The following VWA3B variants were observed in gnomAD, a reference collection of about 807,000 sequenced individuals.
VWA3B encodes von Willebrand factor A domain-containing protein 3B.
VWA3B carries 138 observed loss-of-function variants against 158.3 expected under a neutral mutation model. The ratio of observed to expected loss-of-function variants is 0.87; its 90% CI spans 0.76 to 1.00. The LOEUF is 1.00. Ranked by LOEUF, VWA3B falls within the 50% of genes least tolerant of loss-of-function variation. VWA3B has a pLI of 0.00. For missense variants in VWA3B, 1,555 were observed against 1,565.1 expected (o/e 0.99, Z 0.11); for synonymous variants, 596 against 587.3 (o/e 1.01, Z -0.21).
chr2:98,131,032 A>G (rs985019704), intron 6 of VWA3B, among the ~76,000 whole-genome samples: 36 of 152,094 alleles, frequency 2.4e-4, no homozygotes, highest in African/African-American at 8.2e-4. Flanking sequence ...TACTCCTTCT[A>G]TCTCACTGTA....
intron 21 of VWA3B, among the ~76,000 whole-genome samples, chr2:98,256,824 C>A (rs569278853): frequency 6.6e-6 from 1 of 152,190 alleles, no homozygotes; most frequent in East Asian, 1.9e-4. Flanking sequence ...TTTATTGACC[C>A]ATAATAATTG....
intron 7 of VWA3B, among the ~76,000 whole-genome samples, chr2:98,140,254 T>C (rs535447814): frequency 6.0e-4 from 92 of 152,372 alleles, no homozygotes; most frequent in Admixed American, 7.2e-4. Context: ...CACAACCGCA[T>C]GCCTTAGAGA....
chr2:98,270,830 A>C lies in VWA3B; in HGVS notation c.2992A>C (p.Met998Leu), dbSNP rs1688155470. Residue 998 changes from methionine to leucine, a missense_variant, in exon 22 of 28, where the codon ATG (methionine) becomes CTG (leucine). Physicochemically the swap from Met to Leu is conservative, Grantham distance 15 (BLOSUM62 2). Transcript: ENST00000477737. ...TGGGAAAATGTACATCCAGCAGGCC[A>C]TGGAACTCCAGGAGGCTGCCAAGAA... Reference protein sequence around the residue: ...LAGKMYIQQAMELQEAAKKNY... With the variant: ...LAGKMYIQQALELQEAAKKNY... 6.2e-7 allele frequency: 1 copy of C among 1,614,140 alleles called. No homozygotes were observed. The highest frequency in any genetic ancestry group is 8.5e-7 in the Non-Finnish European group (1 of 1,179,996).
chr2:98,110,100 T>C (rs1674025766), intron 2 of VWA3B, among the ~76,000 whole-genome samples: 1 of 151,866 alleles, frequency 6.6e-6, no homozygotes, highest in Non-Finnish European at 1.5e-5. Context: ...TTCTTCTTTT[T>C]CTTCCCCCTA....
chr2:98,206,494 A>G (rs1683035623), intron 12 of VWA3B: 3 of 465,060 alleles, frequency 6.5e-6, no homozygotes, highest in Non-Finnish European at 1.3e-5. Flanking sequence ...TGAATGGTAC[A>G]GAAGGCTTGT....
At position 98,298,007 on chromosome 2, in the gene VWA3B, C is replaced by T. The variant is rs752586602; in HGVS notation, c.3258C>T (p.Gly1086=). The stretch of plus-strand genomic sequence containing the variant: ...CCTCCTTCATCACGCCTGTGGGGGG[C>T]GCCATGCCCTGCCCGCTGCTCCAGG... ...VSTSFITPVG[G]AMPCPLLQVG... Residue 1086 remains glycine, a synonymous_variant, in exon 24 of 28, where the codon GGC becomes GGT. Transcript: ENST00000477737. 3.8e-6 allele frequency: 6 copies of T among 1,574,692 alleles called. No homozygotes were observed. The highest frequency in any genetic ancestry group is 1.8e-5 in the Admixed American group (1 of 54,898).
intron 12 of VWA3B, among the ~76,000 whole-genome samples, 178 bp downstream of exon 12, chr2:98,194,670 T>C (rs181058615): frequency 2.6e-5 from 4 of 152,338 alleles, no homozygotes; most frequent in Admixed American, 2.6e-4. Context: ...ATTTTGTCAA[T>C]ATCATAAGGT....
chr2:98,301,441 A>G (rs937751235), intron 25 of VWA3B, among the ~76,000 whole-genome samples: 6 of 152,188 alleles, frequency 3.9e-5, no homozygotes, highest in African/African-American at 1.2e-4. Context: ...TTACATATCT[A>G]TATCTGTATT....
At chr2:98,165,763 T>C (rs990083501) in intron 8 of VWA3B, among the ~76,000 whole-genome samples, 3 of 152,064 alleles carry the variant, frequency 2.0e-5, no homozygotes, top group African/African-American at 7.2e-5. Context: ...GCTCCCTGGG[T>C]GTTCCTGAGA....
chr2:98,293,554 A>G (rs1689620447), intron 23 of VWA3B, among the ~76,000 whole-genome samples: 1 of 152,202 alleles, frequency 6.6e-6, no homozygotes, highest in Non-Finnish European at 1.5e-5. Flanking sequence ...GAACCCCACT[A>G]TACTCTTTAC....
In VWA3B at chr2:98,283,085, G is replaced by A. The variant is rs12473947; in HGVS notation, c.3046-7426G>A. Reference sequence around the variant, plus strand: ...TGAAAATGTAGAAAGCAATCTCCTCGGTTAGCTTCTGGCTAAGAAATTGAG... The same window carrying A: ...TGAAAATGTAGAAAGCAATCTCCTCAGTTAGCTTCTGGCTAAGAAATTGAG... On this transcript the variant is annotated intron_variant, in intron 22 of 27. Transcript: ENST00000477737. Among the ~76,000 whole-genome samples the A allele has an allele frequency of 5.1e-4, 77 of 152,292 alleles. No homozygotes were observed. The South Asian group carries it at 5.4e-3, about 11-fold the overall frequency.
chr2:98,275,371 G>A (rs993343301), intron 22 of VWA3B, among the ~76,000 whole-genome samples: 1 of 152,198 alleles, frequency 6.6e-6, no homozygotes, highest in African/African-American at 2.4e-5. Context: ...TTAGGAGAGA[G>A]GCCAGAGTTA....
chr2:98,307,465 A>C (rs1257257108), intron 26 of VWA3B, among the ~76,000 whole-genome samples: 1 of 152,252 alleles, frequency 6.6e-6, no homozygotes, highest in Non-Finnish European at 1.5e-5. Flanking sequence ...AATCACCTTC[A>C]AATAAGGAAG....
the VWA3B span, among the ~76,000 whole-genome samples, chr2:98,328,887 A>G: frequency 2.0e-5 from 3 of 152,236 alleles, no homozygotes; most frequent in Admixed American, 6.5e-5. Flanking sequence ...ATCATTCTTA[A>G]TAAAATACCA....
chr2:98,207,565 A>C (rs1683126433), intron 12 of VWA3B: 3 of 519,842 alleles, frequency 5.8e-6, no homozygotes, highest in Admixed American at 3.9e-5. Flanking sequence ...TGCTGAGGTC[A>C]TCACAGGTCA....
At chr2:98,239,343 TGCTAAATGAAATATC>T (rs1685915269) in intron 19 of VWA3B, among the ~76,000 whole-genome samples, 6 of 22,686 alleles carry the variant, frequency 2.6e-4, no homozygotes, top group African/African-American at 1.1e-3. Flanking sequence ...AAAGTCCTCG[TGCTAAATGAAATATC>T]GTGCTAAATG....
At chr2:98,244,916 A>G (rs1282146058) in intron 19 of VWA3B, among the ~76,000 whole-genome samples, 3 of 152,130 alleles carry the variant, frequency 2.0e-5, no homozygotes, top group African/African-American at 4.8e-5. Context: ...AATCAGCCCA[A>G]ACTGGCCTGT....
At chr2:98,247,954 C>G (rs532510892) in intron 19 of VWA3B, among the ~76,000 whole-genome samples, 3 of 152,132 alleles carry the variant, frequency 2.0e-5, no homozygotes, top group South Asian at 2.1e-4. Flanking sequence ...ATTTTTGTCT[C>G]TCTGTGCTAT....
At chr2:98,249,755 G>A (rs917617296) in intron 19 of VWA3B, among the ~76,000 whole-genome samples, 23 of 151,866 alleles carry the variant, frequency 1.5e-4, no homozygotes, top group Non-Finnish European at 3.1e-4. Flanking sequence ...TCTCTTATCC[G>A]AGATCACACC....
Sources: gnomAD v4.1 joint callset for allele counts (sites outside exome capture counted in the v4.1 genomes callset) on GRCh38, gnomAD v4.1.1 for gene constraint, MANE v1.5 for transcripts, NCBI Gene and HGNC (gene_info 2026-07-23, HGNC 2026-07-21) for gene names.